Variants in DSCAM observed in about 807,000 individuals in gnomAD.
The protein encoded by DSCAM is cell adhesion molecule DSCAM.
Under a neutral mutation model 217.7 loss-of-function variants are expected in DSCAM, and 47 were observed. That is an observed-to-expected ratio of 0.22 (90% CI 0.17 to 0.28). The LOEUF (loss-of-function observed/expected upper bound fraction) is 0.28, where lower values mean the gene tolerates loss of function less well. DSCAM is among the 10% of genes least tolerant of loss of function. The probability of loss-of-function intolerance (pLI) is 1.00; values close to 1 mark genes in which losing one functional copy is unlikely to be tolerated. For missense variants in DSCAM, 2,080 were observed against 2,618.3 expected, an observed-to-expected ratio of 0.79 and a Z score of 4.49; for synonymous variants, 1,056 against 1,015.3, an observed-to-expected ratio of 1.04 and a Z score of -0.76.
intron 3 of DSCAM, among the ~76,000 whole-genome samples, chr21:40,432,577 C>T (rs1259362630): frequency 1.3e-5 from 2 of 152,186 alleles, no homozygotes; most frequent in African/African-American, 4.8e-5. Flanking sequence ...GTTCCTAGTG[C>T]TTCGGATTCA....
intron 3 of DSCAM, among the ~76,000 whole-genome samples, chr21:40,510,480 T>C (rs1480363002): frequency 1.3e-5 from 2 of 152,186 alleles, no homozygotes; most frequent in Non-Finnish European, 2.9e-5. Flanking sequence ...TTGATAAACA[T>C]TTGTTCGAAA....
intron 21 of DSCAM, among the ~76,000 whole-genome samples, chr21:40,089,032 T>C (rs2089569930): frequency 6.6e-6 from 1 of 152,234 alleles, no homozygotes; most frequent in Non-Finnish European, 1.5e-5. Flanking sequence ...TATTCCATTG[T>C]TGTTCTTTAA....
chr21:40,489,959 C>T (rs1205892978), intron 3 of DSCAM, among the ~76,000 whole-genome samples: 1 of 151,998 alleles, frequency 6.6e-6, no homozygotes, highest in Non-Finnish European at 1.5e-5. Flanking sequence ...CTAATAAAGA[C>T]ATATCAGAGA....
At chr21:40,666,639 G>T (rs1037718412) in intron 3 of DSCAM, among the ~76,000 whole-genome samples, 1 of 152,224 alleles carries the variant, frequency 6.6e-6, no homozygotes, top group African/African-American at 2.4e-5. Context: ...CCCGGTGGTT[G>T]TTTTCCTGGG....
At chr21:40,228,492 G>T (rs2091353198) in intron 11 of DSCAM, among the ~76,000 whole-genome samples, 1 of 151,948 alleles carries the variant, frequency 6.6e-6, no homozygotes, top group Admixed American at 6.6e-5. Flanking sequence ...TAAACTTTGG[G>T]TTATAATCCA....
intron 15 of DSCAM, among the ~76,000 whole-genome samples, chr21:40,172,953 C>T (rs1336378822): frequency 3.3e-5 from 5 of 152,222 alleles, no homozygotes; most frequent in East Asian, 3.9e-4. Context: ...AATCAAAATA[C>T]GACAAAGAAT....
chr21:40,213,489 C>A (rs576143494), intron 11 of DSCAM, among the ~76,000 whole-genome samples: 2 of 152,236 alleles, frequency 1.3e-5, no homozygotes, highest in South Asian at 4.1e-4. Flanking sequence ...ACCATAATTG[C>A]TAATTGCTTA....
At chr21:40,351,237 T>C (rs550547254) in intron 5 of DSCAM, among the ~76,000 whole-genome samples, 99 of 152,156 alleles carry the variant, frequency 6.5e-4, no homozygotes, top group Non-Finnish European at 9.3e-4. Context: ...TGGCAGGACA[T>C]GGCAGGACTT....
At chr21:40,610,265 C>T (rs541850494) in intron 3 of DSCAM, among the ~76,000 whole-genome samples, 1 of 152,340 alleles carries the variant, frequency 6.6e-6, no homozygotes, top group African/African-American at 2.4e-5. Flanking sequence ...GACGGCCACT[C>T]GGTGTACATT....
At chr21:40,140,436 G>A (rs2090275709) in intron 18 of DSCAM, among the ~76,000 whole-genome samples, 1 of 152,192 alleles carries the variant, frequency 6.6e-6, no homozygotes. Context: ...GATACCAGCA[G>A]GCAATGCTAG....
chr21:40,318,969 C>T (rs1755431805), intron 8 of DSCAM, among the ~76,000 whole-genome samples: 1 of 152,080 alleles, frequency 6.6e-6, no homozygotes, highest in Non-Finnish European at 1.5e-5. Flanking sequence ...AAGGCATTGT[C>T]CTTGCAGTGT....
At chr21:40,076,048 G>A (rs1017047124) in intron 26 of DSCAM, among the ~76,000 whole-genome samples, 1 of 152,022 alleles carries the variant, frequency 6.6e-6, no homozygotes, top group Non-Finnish European at 1.5e-5. Context: ...TGTACAACAA[G>A]GGCCAGAAAG....
chr21:40,537,510 C>T (rs143856707), intron 3 of DSCAM, among the ~76,000 whole-genome samples: 126 of 152,184 alleles, frequency 8.3e-4, no homozygotes, highest in African/African-American at 2.8e-3. Flanking sequence ...AAAAAACTCA[C>T]ATGCTTAAGT....
chr21:40,620,378 G>GAGAAA (rs1179636268), intron 3 of DSCAM, among the ~76,000 whole-genome samples: 1 of 88,668 alleles, frequency 1.1e-5, no homozygotes, highest in African/African-American at 3.5e-5. Flanking sequence ...AAGAAAGAAA[G>GAGAAA]AAAGAAAGAG....
Position 40,182,621 on chromosome 21 carries a change from C to G in DSCAM, c.2780-3527G>C, listed in dbSNP as rs1214383564. Among the ~76,000 whole-genome samples the G allele has an allele frequency of 1.2e-4, 13 of 105,690 alleles. 1 individual carries two copies. Among genetic ancestry groups the G allele is most frequent in the African/African-American group, 5.8e-4 (13 of 22,584 alleles). The allele number at this position is 105,690 out of a possible 152,430, so 69.3% of individuals were successfully genotyped here. On this transcript the variant is annotated intron_variant, in intron 14 of 32. Transcript: ENST00000400454. ...GCAGAGAAACCGTGGACAGAACGGG[C>G]CACCAGAGAAACCGTGGACAGGAGG...
chr21:40,641,093 G>C (rs528524244), intron 3 of DSCAM, among the ~76,000 whole-genome samples: 4 of 152,292 alleles, frequency 2.6e-5, no homozygotes, highest in South Asian at 2.1e-4. Context: ...GTAATACATA[G>C]GAGAACGATG....
chr21:40,201,808 G>A (rs915951820), intron 11 of DSCAM, among the ~76,000 whole-genome samples: 2 of 152,142 alleles, frequency 1.3e-5, no homozygotes, highest in Non-Finnish European at 2.9e-5. Flanking sequence ...TGCCATCAAT[G>A]ATAGTAAAAA....
intron 3 of DSCAM, among the ~76,000 whole-genome samples, chr21:40,405,106 C>A (rs2075269200): frequency 6.6e-6 from 1 of 152,120 alleles, no homozygotes; most frequent in Admixed American, 6.5e-5. Context: ...GGACATAGCC[C>A]ATGGCCCCCA....
chr21:40,653,642 A>G (rs1343642049), intron 3 of DSCAM, among the ~76,000 whole-genome samples: 1 of 152,302 alleles, frequency 6.6e-6, no homozygotes, highest in East Asian at 1.9e-4. Context: ...AGAGGAAAGC[A>G]CCCAGACACA....
Sources: allele counts gnomAD v4.1 joint callset (sites outside exome capture counted in the v4.1 genomes callset), GRCh38; gene constraint gnomAD v4.1.1; transcripts MANE v1.5; gene names NCBI Gene and HGNC (gene_info 2026-07-23, HGNC 2026-07-21).